PLCB1: variants seen among roughly 807,000 people sequenced by gnomAD.
PLCB1 encodes the protein 1-phosphatidylinositol 4,5-bisphosphate phosphodiesterase beta-1.
A neutral mutation model predicts 161.8 loss-of-function variants in PLCB1; 46 were observed. The observed-to-expected ratio is 0.28, with a 90% CI of 0.22 to 0.36. The LOEUF (loss-of-function observed/expected upper bound fraction) is 0.36, where lower values mean the gene tolerates loss of function less well. PLCB1 is among the 10% of genes least tolerant of loss of function. The pLI is 1.00. For synonymous variants in PLCB1, 517 were observed against 503.7 expected, an observed-to-expected ratio of 1.03 and a Z score of -0.35; for missense variants, 1,016 against 1,472.5, an observed-to-expected ratio of 0.69 and a Z score of 5.07.
chr20:8,454,173 G>A (rs1981196465), intron 3 of PLCB1, among the ~76,000 whole-genome samples: 1 of 152,180 alleles, frequency 6.6e-6, no homozygotes, highest in Admixed American at 6.5e-5. Context: ...GTGGTGTTTT[G>A]TTATGGCAGC....
chr20:8,461,050 A>G (rs2122684624), intron 3 of PLCB1, among the ~76,000 whole-genome samples: 1 of 152,340 alleles, frequency 6.6e-6, no homozygotes, highest in South Asian at 2.1e-4. Context: ...AGGAACTAAA[A>G]TTTAATTTTA....
At chr20:8,391,427 T>C (rs901502069) in intron 3 of PLCB1, among the ~76,000 whole-genome samples, 1 of 152,130 alleles carries the variant, frequency 6.6e-6, no homozygotes, top group African/African-American at 2.4e-5. Flanking sequence ...TTAGAGCAAT[T>C]TACTTTCAGT....
At chr20:8,450,464 T>G (rs1224126634) in intron 3 of PLCB1, among the ~76,000 whole-genome samples, 1 of 152,168 alleles carries the variant, frequency 6.6e-6, no homozygotes, top group Non-Finnish European at 1.5e-5. Context: ...ACATTTTGTT[T>G]ATAAGAACAG....
At chr20:8,809,015 T>A (rs1286720874) in intron 31 of PLCB1, among the ~76,000 whole-genome samples, 1 of 152,196 alleles carries the variant, frequency 6.6e-6, no homozygotes, top group Non-Finnish European at 1.5e-5. Context: ...AAATTTTTTT[T>A]AAGACAGGGT....
chr20:8,522,888 G>A (rs1429524694), intron 3 of PLCB1, among the ~76,000 whole-genome samples: 1 of 152,062 alleles, frequency 6.6e-6, no homozygotes, highest in Non-Finnish European at 1.5e-5. Context: ...AAGTTGGTGG[G>A]GTGGGATGAG....
At chr20:8,562,308 C>T (rs975116690) in intron 3 of PLCB1, among the ~76,000 whole-genome samples, 2 of 152,046 alleles carry the variant, frequency 1.3e-5, no homozygotes, top group Non-Finnish European at 2.9e-5. Flanking sequence ...ATGCAGTCCA[C>T]ACTATGTGAG....
intron 31 of PLCB1, among the ~76,000 whole-genome samples, chr20:8,816,509 G>A (rs78509352): frequency 0.026 from 4,018 of 152,236 alleles, 163 homozygotes; most frequent in African/African-American, 0.092. Flanking sequence ...GGGGAATTCT[G>A]AAGCCATACT....
At chr20:8,635,544 A>G (rs1202223129) in intron 4 of PLCB1, among the ~76,000 whole-genome samples, 5 of 152,072 alleles carry the variant, frequency 3.3e-5, no homozygotes, top group African/African-American at 1.2e-4. Context: ...GATGGCTTCC[A>G]TTTTCCTAAT....
At chr20:8,639,833 A>T (rs900314577) in intron 4 of PLCB1, among the ~76,000 whole-genome samples, 7 of 152,172 alleles carry the variant, frequency 4.6e-5, no homozygotes, top group African/African-American at 7.2e-5. Context: ...GCAATATGAA[A>T]GTCAGGAAGA....
chr20:8,696,758 G>C (rs1990593710), intron 10 of PLCB1, among the ~76,000 whole-genome samples: 2 of 152,056 alleles, frequency 1.3e-5, no homozygotes, highest in Admixed American at 1.3e-4. Context: ...TTTTGAGACA[G>C]AGTCTCACTC....
At chr20:8,724,527 AT>A in intron 15 of PLCB1, 128 bp from the exon 16 acceptor site, 1 of 662,842 alleles carries the variant, frequency 1.5e-6, no homozygotes, top group Non-Finnish European at 2.7e-6. Flanking sequence ...ATGAATTTTC[AT>A]TTTGTAATTT....
intron 11 of PLCB1, among the ~76,000 whole-genome samples, chr20:8,705,132 G>C (rs910379): frequency 0.81 from 123,550 of 151,982 alleles, 50,366 homozygotes; most frequent in East Asian, 0.99. Flanking sequence ...AATGTTTAAC[G>C]AAATATCTGG....
At chr20:8,496,291 G>A (rs1286483104) in intron 3 of PLCB1, among the ~76,000 whole-genome samples, 3 of 145,670 alleles carry the variant, frequency 2.1e-5, no homozygotes, top group Non-Finnish European at 3.0e-5. Flanking sequence ...CCAGAAGTTC[G>A]AGACCAGCCT....
intron 31 of PLCB1, among the ~76,000 whole-genome samples, chr20:8,809,844 C>A (rs1984725685): frequency 6.6e-6 from 1 of 152,090 alleles, no homozygotes; most frequent in African/African-American, 2.4e-5. Context: ...ACAGAAAAGT[C>A]CCCTAAAACT....
intron 31 of PLCB1, among the ~76,000 whole-genome samples, chr20:8,866,861 C>G (rs1286525740): frequency 6.6e-6 from 1 of 152,068 alleles, no homozygotes; most frequent in Non-Finnish European, 1.5e-5. Flanking sequence ...ATTGTAAATA[C>G]TCACCCAAAA....
chr20:8,768,656 G>T (rs1982503164), intron 26 of PLCB1, among the ~76,000 whole-genome samples: 1 of 152,188 alleles, frequency 6.6e-6, no homozygotes, highest in African/African-American at 2.4e-5. Context: ...AACTCATTGA[G>T]GCCAAGTAAC....
chr20:8,774,624 A>G lies in PLCB1; in HGVS notation c.3016A>G (p.Ile1006Val), dbSNP rs2146203878. ...ALDAEMTQKL[I>V]DLKDKQQQQL... is the part of the protein sequence containing the mutation. ...GGATGCTGAAATGACCCAAAAGTTAATAGACTTGAAGGACAAACAACAGCA... is the reference window on the plus strand; with the variant it reads ...GGATGCTGAAATGACCCAAAAGTTAGTAGACTTGAAGGACAAACAACAGCA... The change falls in exon 27 of 32, where the codon ATA becomes GTA. Residue 1006 changes from isoleucine to valine, a missense_variant. This residue lies in a region of PLCB1 where 398 missense variants were observed against 445.4 expected (regional missense o/e 0.89). Coordinates refer to ENST00000338037, the MANE Select transcript of PLCB1 (RefSeq NM_015192.4). 1 of 1,614,058 alleles carries G rather than the reference A, an allele frequency of 6.2e-7. No individual in the cohort carries two copies. The highest frequency in any genetic ancestry group is 8.5e-7 in the Non-Finnish European group (1 of 1,179,924).
At chr20:8,508,297 A>G (rs1214701400) in intron 3 of PLCB1, among the ~76,000 whole-genome samples, 5 of 152,220 alleles carry the variant, frequency 3.3e-5, no homozygotes, top group African/African-American at 7.2e-5. Context: ...CTCAAGCATC[A>G]GCATTGCTGC....
At chr20:8,218,727 C>A (rs1224562065) in intron 2 of PLCB1, among the ~76,000 whole-genome samples, 2 of 151,830 alleles carry the variant, frequency 1.3e-5, no homozygotes, top group Non-Finnish European at 2.9e-5. Context: ...GGCAATGCTA[C>A]TCCCTAGAAA....
Sources: gnomAD v4.1 joint callset for allele counts (sites outside exome capture counted in the v4.1 genomes callset) on GRCh38, gnomAD v4.1.1 for gene constraint, gnomAD v4.1.1 regional missense constraint, MANE v1.5 for transcripts, NCBI Gene and HGNC (gene_info 2026-07-23, HGNC 2026-07-21) for gene names.